CTNNA2: variants seen among roughly 807,000 people sequenced by gnomAD.
The protein encoded by CTNNA2 is catenin alpha-2.
Under a neutral mutation model 101.0 loss-of-function variants are expected in CTNNA2, and 42 were observed. The observed-to-expected ratio is 0.42, with a 90% confidence interval of 0.32 to 0.54. The LOEUF is 0.54. Ranked by LOEUF, CTNNA2 falls within the 20% of genes least tolerant of loss-of-function variation. CTNNA2 has a pLI of 0.14. For missense variants in CTNNA2, 871 were observed against 1,223.1 expected (o/e 0.71, Z 4.29); for synonymous variants, 450 against 456.4 (o/e 0.99, Z 0.18).
At chr2:79,598,369 G>C (rs989056249) in intron 1 of CTNNA2, among the ~76,000 whole-genome samples, 1 of 152,208 alleles carries the variant, frequency 6.6e-6, no homozygotes, top group Non-Finnish European at 1.5e-5. Context: ...TATGTTTAGT[G>C]TTGTAAGAAA....
intron 4 of CTNNA2, among the ~76,000 whole-genome samples, chr2:79,466,027 G>A (rs557296156): frequency 6.8e-4 from 103 of 152,236 alleles, no homozygotes; most frequent in Admixed American, 5.9e-3. Flanking sequence ...GGGGCTTGTC[G>A]GACAGTGGGT....
At chr2:80,410,525 T>G (rs886240089) in intron 8 of CTNNA2, among the ~76,000 whole-genome samples, 11 of 152,244 alleles carry the variant, frequency 7.2e-5, no homozygotes, top group African/African-American at 2.4e-4. Context: ...CCTGTCAGAC[T>G]TAACGAATGA....
intron 1 of CTNNA2, among the ~76,000 whole-genome samples, chr2:79,562,077 G>A (rs1674815834): frequency 6.6e-6 from 1 of 151,852 alleles, no homozygotes; most frequent in Admixed American, 6.6e-5. Flanking sequence ...TCTTCTGAGA[G>A]TTTTCTAGTT....
At chr2:80,136,107 A>G (rs542161616) in intron 7 of CTNNA2, among the ~76,000 whole-genome samples, 1 of 152,182 alleles carries the variant, frequency 6.6e-6, no homozygotes, top group African/African-American at 2.4e-5. Flanking sequence ...TGGTTTTTGT[A>G]TAGTAGTTGC....
intron 7 of CTNNA2, among the ~76,000 whole-genome samples, chr2:80,245,699 G>C (rs1449714557): frequency 6.8e-6 from 1 of 147,800 alleles, no homozygotes; most frequent in Non-Finnish European, 1.5e-5. Flanking sequence ...ACTGTTTTCT[G>C]TCCTATTAAT....
chr2:80,232,851 A>G (rs1302712934), intron 7 of CTNNA2, among the ~76,000 whole-genome samples: 2 of 152,182 alleles, frequency 1.3e-5, no homozygotes, highest in Admixed American at 6.5e-5. Context: ...GGTCGTGTTC[A>G]TCTCAACTTA....
intron 7 of CTNNA2, among the ~76,000 whole-genome samples, chr2:80,233,845 C>A (rs1189161665): frequency 6.6e-6 from 1 of 152,102 alleles, no homozygotes; most frequent in African/African-American, 2.4e-5. Context: ...AGAAGTATTT[C>A]ATTACATGTC....
intron 9 of CTNNA2, among the ~76,000 whole-genome samples, chr2:80,455,357 G>T (rs1333208289): frequency 6.6e-6 from 1 of 152,162 alleles, no homozygotes; most frequent in Non-Finnish European, 1.5e-5. Context: ...CTTGTATAAA[G>T]GTCATCTCTC....
intron 2 of CTNNA2, among the ~76,000 whole-genome samples, chr2:79,233,835 T>C (rs1674525234): frequency 6.6e-6 from 1 of 152,082 alleles, no homozygotes; most frequent in Non-Finnish European, 1.5e-5. Context: ...TTATTGTTGG[T>C]TTAAAATCTA....
Position 80,604,163 on chromosome 2 carries a change from G to A in CTNNA2, c.2279G>A (p.Arg760His), listed in dbSNP as rs1323387262. 11 of 1,612,626 alleles carry A rather than the reference G, an allele frequency of 6.8e-6. No individual in the cohort carries two copies. Among genetic ancestry groups the A allele is most frequent in the Non-Finnish European group, 7.6e-6 (9 of 1,179,258 alleles). ...GGTTCTCGAATGGACAAATTAGCTC[G>A]TGCTGTGGCTGATCAGGTAATAGAA... ...EAGSRMDKLARAVADQCPDSA... is the reference protein window; with the variant it reads ...EAGSRMDKLAHAVADQCPDSA... Residue 760 changes from arginine to histidine, a missense_variant, in exon 16 of 19, where the codon CGT becomes CAT. Coordinates refer to ENST00000402739, the MANE Select transcript of CTNNA2 (RefSeq NM_001282597.3).
rs569633823 is a variant in CTNNA2 at position 80,022,738 on chromosome 2, A to G, written c.1056+112941A>G. ...GACAGGCTTTCTCAGAAACAAAAGA[A>G]CAGTGCAACTGGAATACAGTCTGTG... On this transcript the variant is annotated intron_variant, in intron 7 of 18. Coordinates refer to ENST00000402739, the MANE Select transcript of CTNNA2 (RefSeq NM_001282597.3). Among the ~76,000 whole-genome samples, 5 of 152,326 alleles carry G rather than the reference A, an allele frequency of 3.3e-5. 1 individual carries two copies. The highest frequency in any genetic ancestry group is 1.2e-4 in the African/African-American group (5 of 41,578).
At chr2:80,262,905 AACAATATT>A in intron 7 of CTNNA2, among the ~76,000 whole-genome samples, 1 of 55,328 alleles carries the variant, frequency 1.8e-5, no homozygotes, top group African/African-American at 3.8e-5. Context: ...TTCCATCAAC[AACAATATT>A]GACAAAAATA....
At chr2:80,591,859 A>C (rs1361264155) in intron 15 of CTNNA2, among the ~76,000 whole-genome samples, 1 of 152,152 alleles carries the variant, frequency 6.6e-6, no homozygotes, top group Non-Finnish European at 1.5e-5. Context: ...TTATATGTGT[A>C]ATAACTTCTT....
Position 79,804,295 on chromosome 2 carries a change from C to G in CTNNA2, c.299-53718C>G, listed in dbSNP as rs147988892. On this transcript the variant is annotated intron_variant, in intron 3 of 18. Transcript: ENST00000402739. Reference sequence around the variant, plus strand: ...TAGTATGTATATCTTTTAACATATACCAAACTGCTAGAAAATAAATCTACC... The same window carrying G: ...TAGTATGTATATCTTTTAACATATAGCAAACTGCTAGAAAATAAATCTACC... 7.9e-5 allele frequency among the ~76,000 whole-genome samples: 12 copies of G among 152,094 alleles called. No homozygotes were observed. In the East Asian group the frequency reaches 2.3e-3, roughly 29 times the overall value.
intron 1 of CTNNA2, among the ~76,000 whole-genome samples, chr2:79,576,192 A>G (rs1422440291): frequency 6.6e-6 from 1 of 152,220 alleles, no homozygotes; most frequent in African/African-American, 2.4e-5. Context: ...TGGCAATTTC[A>G]ATGGAATAGA....
chr2:79,767,498 G>A (rs184673351), intron 3 of CTNNA2, among the ~76,000 whole-genome samples: 1 of 152,148 alleles, frequency 6.6e-6, no homozygotes, highest in East Asian at 2.0e-4. Flanking sequence ...TCTTGGGAAG[G>A]CTTTCCAGAT....
Position 80,133,743 on chromosome 2 carries a change from G to T in CTNNA2, c.1056+223946G>T, listed in dbSNP as rs139540402. Among the ~76,000 whole-genome samples the T allele has an allele frequency of 1.2e-3, 179 of 152,270 alleles. 1 individual carries two copies. The highest frequency in any genetic ancestry group is 2.2e-3 in the Admixed American group (34 of 15,278). ...TTGACAGGTGTTCTTTAAACTACGG[G>T]TTGTTTTCTACTGAACTACATAATT... On this transcript the variant is annotated intron_variant, in intron 7 of 18. Coordinates refer to ENST00000402739, the MANE Select transcript of CTNNA2 (RefSeq NM_001282597.3).
intron 6 of CTNNA2, among the ~76,000 whole-genome samples, chr2:79,883,535 G>T (rs1261606337): frequency 6.6e-6 from 1 of 152,134 alleles, no homozygotes; most frequent in African/African-American, 2.4e-5. Flanking sequence ...GCTTGAGATG[G>T]TCAATTTTAA....
chr2:79,441,968 C>T (rs1678782285), intron 4 of CTNNA2, among the ~76,000 whole-genome samples: 1 of 152,106 alleles, frequency 6.6e-6, no homozygotes, highest in Admixed American at 6.6e-5. Context: ...CTTTTCTTTC[C>T]AAGTTCAGCC....
Sources: gnomAD v4.1 joint callset for allele counts (sites outside exome capture counted in the v4.1 genomes callset) on GRCh38, gnomAD v4.1.1 for gene constraint, MANE v1.5 for transcripts, NCBI Gene and HGNC (gene_info 2026-07-23, HGNC 2026-07-21) for gene names.